The following LTBP4 variants were observed in gnomAD, a reference collection of about 807,000 sequenced individuals.
LTBP4 encodes latent-transforming growth factor beta-binding protein 4.
LTBP4 carries 93 observed loss-of-function variants against 180.2 expected under a neutral mutation model. The observed-to-expected ratio is 0.52, with a 90% CI of 0.44 to 0.61. LTBP4 has a LOEUF of 0.61. Ranked by LOEUF, LTBP4 falls within the 20% of genes least tolerant of loss-of-function variation. LTBP4 has a pLI of 0.00. For missense variants in LTBP4, 2,116 were observed against 2,256.5 expected, an observed-to-expected ratio of 0.94 and a Z score of 1.26; for synonymous variants, 947 against 934.5, an observed-to-expected ratio of 1.01 and a Z score of -0.24.
At chr19:40,603,996 C>T (rs2081441395) in intron 1 of LTBP4, among the ~76,000 whole-genome samples, 1 of 152,270 alleles carries the variant, frequency 6.6e-6, no homozygotes, top group South Asian at 2.1e-4. Flanking sequence ...CGTTCCCGCT[C>T]GTGGCTCCGC....
In LTBP4 at chr19:40,609,761, G is replaced by C. The variant is rs773418508; in HGVS notation, c.1574G>C (p.Arg525Pro). The change falls in exon 11 of 30, where the codon CGC (arginine) becomes CCC (proline). Residue 525 changes from arginine (R) to proline (P), a missense_variant. Physicochemically the swap from Arg to Pro is moderately radical, Grantham distance 103 (BLOSUM62 -2). Around this residue, in one of 5 missense-constraint regions of LTBP4, gnomAD observed 877 missense variants for 873.6 expected, o/e 1.00. Coordinates refer to ENST00000396819, the MANE Select transcript of LTBP4 (RefSeq NM_001042545.2). The surrounding 1 kb of genome is among the most constrained non-coding windows in gnomAD (Gnocchi z 4.9). ...GTGTCCTCAGATGTGGACGAATGTC[G>C]CCGCGTGCCCCCGCCCTGTGCTCCC... ...GTRCIDVDEC[R>P]RVPPPCAPGR... 5 of 1,611,888 alleles carry C rather than the reference G, an allele frequency of 3.1e-6. No individual in the cohort carries two copies. Among genetic ancestry groups the C allele is most frequent in the Non-Finnish European group, 4.2e-6 (5 of 1,178,816 alleles).
At chr19:40,624,219 CCTCA>C (rs1284118894) in intron 26 of LTBP4, 137 bp downstream of exon 26, 26 of 1,107,578 alleles carry the variant, frequency 2.3e-5, no homozygotes, top group South Asian at 3.4e-5. Flanking sequence ...CCCACTGAGC[CCTCA>C]CTCAGTCTCT....
At chr19:40,625,332 A>T (rs2081626199) in intron 26 of LTBP4, among the ~76,000 whole-genome samples, 2 of 80,338 alleles carry the variant, frequency 2.5e-5, no homozygotes, top group Admixed American at 1.5e-4. Context: ...TTTTTTAAAG[A>T]TGGGTTTTTG....
At chr19:40,625,255 TATATATATATATATATATATATA>T (rs2081616666) in intron 26 of LTBP4, among the ~76,000 whole-genome samples, 4 of 1,912 alleles carry the variant, frequency 2.1e-3, no homozygotes, top group African/African-American at 7.2e-3. Context: ...TTTGTATTTA[TATATATATATATATATATATATA>T]TATATATATA....
chr19:40,625,271 TATATATATATATATATATATATATATA>T (rs2081617958), intron 26 of LTBP4, among the ~76,000 whole-genome samples: 98 of 5,822 alleles, frequency 0.017, 13 homozygotes, highest in Non-Finnish European at 0.022. Context: ...TATATATATA[TATATATATATATATATATATATATATA>T]TATATATATA....
intron 7 of LTBP4, 93 bp downstream of exon 7, chr19:40,607,622 C>G: frequency 7.2e-7 from 1 of 1,391,646 alleles, no homozygotes; most frequent in Non-Finnish European, 9.6e-7. Context: ...CTGCCCCAAC[C>G]TGACTGGCTG....
At chr19:40,593,294 G>T (rs535724803) in intron 1 of LTBP4, 325 of 1,207,196 alleles carry the variant, frequency 2.7e-4, no homozygotes, top group Non-Finnish European at 3.8e-4. Flanking sequence ...CCGGGCTAGG[G>T]TGCAGTGGTG....
chr19:40,612,024 G>T, intron 14 of LTBP4, 40 bp downstream of exon 14: 2 of 1,612,462 alleles, frequency 1.2e-6, no homozygotes. Flanking sequence ...GATGGGTGAG[G>T]GGGGAGTTGG....
chr19:40,621,600 G>A (rs2081586684), intron 22 of LTBP4, among the ~76,000 whole-genome samples: 1 of 152,138 alleles, frequency 6.6e-6, no homozygotes, highest in Non-Finnish European at 1.5e-5. Context: ...ACAGGCTGGG[G>A]CAGGGGCCTG....
rs768615459 is a variant in LTBP4 at position 40,606,466 on chromosome 19, G to A, written c.931G>A (p.Gly311Arg). The change falls in exon 6 of 30, where the codon GGG (glycine) becomes AGG (arginine). Residue 311 changes from glycine (G) to arginine (R), a missense_variant. Transcript: ENST00000396819. ...QHGECANTRG[G>R]YTCVCPDGFL... ...CGGCGAGTGTGCAAACACGCGCGGC[G>A]GGTACACGTGTGTGTGCCCCGACGG... is the stretch of plus-strand genomic sequence containing the variant. 10 of 1,582,746 alleles carry A rather than the reference G, an allele frequency of 6.3e-6. No individual in the cohort carries two copies. The highest frequency in any genetic ancestry group is 7.7e-6 in the Non-Finnish European group (9 of 1,165,190).
chr19:40,628,038 G>GT (rs1419237548), intron 29 of LTBP4, among the ~76,000 whole-genome samples, 181 bp downstream of exon 29: 1 of 152,234 alleles, frequency 6.6e-6, no homozygotes, highest in Non-Finnish European at 1.5e-5. Flanking sequence ...AGAAGGCGGA[G>GT]TCAGGGTGCC....
At chr19:40,607,629 G>A in intron 7 of LTBP4, 100 bp downstream of exon 7, 1 of 1,365,906 alleles carries the variant, frequency 7.3e-7, no homozygotes, top group Non-Finnish European at 9.7e-7. Flanking sequence ...AACCTGACTG[G>A]CTGGGCTCCA....
Position 40,605,251 on chromosome 19 carries a change from C to T in LTBP4, c.442+25C>T. On this transcript the variant is annotated intron_variant, in intron 2 of 29. Coordinates refer to ENST00000396819, the MANE Select transcript of LTBP4 (RefSeq NM_001042545.2). The surrounding 1 kb of genome is among the most constrained non-coding windows in gnomAD (Gnocchi z 5.5). ...GGTGAGGAAAGGGTGGCCAGAGTCC[C>T]CTCCGACCCCTGTCAAGCATTTCAC... is the stretch of plus-strand genomic sequence containing the variant. 6.4e-7 allele frequency: 1 copy of T among 1,568,486 alleles called. No individual in the cohort carries two copies. Among genetic ancestry groups the T allele is most frequent in the South Asian group, 1.2e-5 (1 of 86,668 alleles).
In LTBP4 at chr19:40,609,133, T is replaced by C. The variant is rs1182483087; in HGVS notation, c.1427-397T>C. On this transcript the variant is annotated intron_variant, in intron 9 of 29. Coordinates refer to ENST00000396819, the MANE Select transcript of LTBP4 (RefSeq NM_001042545.2). This position sits in a 1 kb window ranked among gnomAD's most constrained non-coding sequence, Gnocchi z 4.9. ...TAACCTCTGAGACTCAGTTTTCTCATTGGTAAAATGGGGATGGTTGTTGAG... is the reference window on the plus strand; with the variant it reads ...TAACCTCTGAGACTCAGTTTTCTCACTGGTAAAATGGGGATGGTTGTTGAG... Among the ~76,000 whole-genome samples, 1 of 152,118 alleles carries C rather than the reference T, an allele frequency of 6.6e-6. No individual in the cohort carries two copies. The highest frequency in any genetic ancestry group is 2.4e-5 in the African/African-American group (1 of 41,412).
Position 40,610,619 on chromosome 19 carries a change from C to G in LTBP4, c.1772C>G (p.Ala591Gly), listed in dbSNP as rs757129988. Residue 591 changes from alanine to glycine, a missense_variant, in exon 12 of 30, where the codon GCC (alanine) becomes GGC (glycine). By Grantham distance (60) the Ala-to-Gly change is moderately conservative. Transcript: ENST00000396819. ...GGCAGCTTCCTGTGCGTGTGCCCCG[C>G]CGGGTACCAGGCTGCACCGCACGGA... ...TPGSFLCVCP[A>G]GYQAAPHGAS... 6.3e-7 allele frequency: 1 copy of G among 1,589,928 alleles called. No individual in the cohort carries two copies. Among genetic ancestry groups the G allele is most frequent in the Non-Finnish European group, 8.5e-7 (1 of 1,175,220 alleles).
chr19:40,607,873 A>G (rs2081474877), intron 7 of LTBP4, among the ~76,000 whole-genome samples: 1 of 152,172 alleles, frequency 6.6e-6, no homozygotes, highest in Non-Finnish European at 1.5e-5. Context: ...CACCCCAGGC[A>G]TGCCCCTCCC....
At position 40,614,018 on chromosome 19, in the gene LTBP4, C is replaced by G; in HGVS notation, c.2660C>G (p.Pro887Arg). The G allele has an allele frequency of 6.2e-7, 1 of 1,613,218 alleles. No homozygotes were observed. Among genetic ancestry groups the G allele is most frequent in the African/African-American group, 1.3e-5 (1 of 74,984 alleles). Reference sequence around the variant, plus strand: ...TGTCCTCCGGGACACCGCGCTGGCCCGGACCTCGCCTCCTGCCTCGGTGAG... The same window carrying G: ...TGTCCTCCGGGACACCGCGCTGGCCGGGACCTCGCCTCCTGCCTCGGTGAG... The part of the protein sequence containing the change: ...CICPPGHRAG[P>R]DLASCLDVDE... The change falls in exon 18 of 30, where the codon CCG becomes CGG. Residue 887 changes from proline (P) to arginine (R), a missense_variant. Physicochemically the swap from Pro to Arg is moderately radical, Grantham distance 103 (BLOSUM62 -2). Around this residue, in one of 5 missense-constraint regions of LTBP4, gnomAD observed 877 missense variants for 873.6 expected, o/e 1.00. Transcript: ENST00000396819.
intron 29 of LTBP4, 73 bp downstream of exon 29, chr19:40,627,930 AG>A (rs2081649508): frequency 6.7e-7 from 1 of 1,499,992 alleles, no homozygotes; most frequent in South Asian, 1.3e-5. Context: ...AGCCCTGACT[AG>A]GGGGTGCTGG....
At chr19:40,602,189 G>T (rs562365715) in intron 1 of LTBP4, among the ~76,000 whole-genome samples, 2 of 149,424 alleles carry the variant, frequency 1.3e-5, no homozygotes, top group East Asian at 2.0e-4. Flanking sequence ...GTGTGGCGGC[G>T]GGGGTGGGGT....
Sources: allele counts gnomAD v4.1 joint callset (sites outside exome capture counted in the v4.1 genomes callset), GRCh38; gene constraint gnomAD v4.1.1; regional missense constraint gnomAD v4.1.1; non-coding constraint Gnocchi (gnomAD v3.1); transcripts MANE v1.5; gene names NCBI Gene and HGNC (gene_info 2026-07-23, HGNC 2026-07-21).